NKIRAS1: variants seen among roughly 807,000 people sequenced by gnomAD.
The protein encoded by NKIRAS1 is NFKB inhibitor interacting Ras like 1.
In NKIRAS1, 16 loss-of-function variants were observed where a neutral mutation model predicts 19.8. The observed-to-expected ratio is 0.81, with a 90% CI of 0.55 to 1.23. The LOEUF is 1.23. Ranked by LOEUF, NKIRAS1 falls within the 50% of genes most tolerant of loss-of-function variation. NKIRAS1 has a pLI of 0.00. For missense variants in NKIRAS1, 184 were observed against 220.0 expected (o/e 0.84, Z 1.04); for synonymous variants, 88 against 79.0 (o/e 1.11, Z -0.61).
At chr3:23,899,088 G>T (rs563043527) in intron 4 of NKIRAS1, among the ~76,000 whole-genome samples, 1 of 152,126 alleles carries the variant, frequency 6.6e-6, no homozygotes, top group Non-Finnish European at 1.5e-5. Context: ...AAAGACTGGG[G>T]ACCACTGATT....
chr3:23,918,296 A>G (rs2125252595), upstream of NKIRAS1: 1 of 1,037,410 alleles, frequency 9.6e-7, no homozygotes, highest in East Asian at 2.6e-5. Context: ...ATTGAAAAAG[A>G]CTGGGATGTG....
At chr3:23,904,192 C>A (rs575853203) in intron 3 of NKIRAS1, among the ~76,000 whole-genome samples, 4 of 152,286 alleles carry the variant, frequency 2.6e-5, no homozygotes, top group Admixed American at 2.0e-4. Flanking sequence ...TGACGCATCA[C>A]TGAAATTTCA....
At chr3:23,904,220 T>C (rs970091474) in intron 3 of NKIRAS1, among the ~76,000 whole-genome samples, 107 of 152,228 alleles carry the variant, frequency 7.0e-4, no homozygotes, top group Non-Finnish European at 1.2e-3. Flanking sequence ...GGTGTCTTAG[T>C]CCATTTGTGC....
At position 23,927,027 on chromosome 3, in the gene NKIRAS1, C is replaced by T. The variant is rs1267357865; in HGVS notation, c.-139-15577G>A. Among the ~76,000 whole-genome samples, 1 of 152,118 alleles carries T rather than the reference C, an allele frequency of 6.6e-6. No homozygotes were observed. The highest frequency in any genetic ancestry group is 1.5e-5 in the Non-Finnish European group (1 of 68,020). On this transcript the variant is annotated intron_variant, in intron 1 of 4. Transcript: ENST00000421515. This position sits in a 1 kb window ranked among gnomAD's most constrained non-coding sequence, Gnocchi z 4.0. ...TAACCAAGCAACACTCTCCACAGCC[C>T]CAACATCATTCCAGTTCAGCCTTGG...
intron 3 of NKIRAS1, among the ~76,000 whole-genome samples, chr3:23,903,024 C>T (rs1702670226): frequency 6.6e-6 from 1 of 152,222 alleles, no homozygotes; most frequent in South Asian, 2.1e-4. Flanking sequence ...TCTAGGTTTC[C>T]CCAATAAATG....
intron 3 of NKIRAS1, among the ~76,000 whole-genome samples, chr3:23,903,009 T>C (rs1304209525): frequency 2.0e-5 from 3 of 152,238 alleles, no homozygotes; most frequent in African/African-American, 7.2e-5. Context: ...CTAAATATAC[T>C]GACATCTAGG....
Position 23,945,050 on chromosome 3 carries a change from G to A in NKIRAS1, c.-140+1273C>T, listed in dbSNP as rs1350556632. On this transcript the variant is annotated intron_variant, in intron 1 of 4. Transcript: ENST00000421515. ...AGGAGGAGGGGAGGAATATGCGGCG[G>A]AGGGAAACGGAGAAGAGGTTTACGG... Among the ~76,000 whole-genome samples, 3 of 152,122 alleles carry A rather than the reference G, an allele frequency of 2.0e-5. No homozygotes were observed. The South Asian group carries it at 6.2e-4, about 32-fold the overall frequency.
At chr3:23,946,334 C>G in exon 1 of NKIRAS1, 1 of 978,894 alleles carries the variant, frequency 1.0e-6, no homozygotes, top group South Asian at 4.7e-5. Context: ...TTGCAGATTC[C>G]GAGGAGGAAG....
intron 3 of NKIRAS1, among the ~76,000 whole-genome samples, chr3:23,906,193 A>G (rs1703044794): frequency 6.6e-6 from 1 of 151,768 alleles, no homozygotes; most frequent in Admixed American, 6.6e-5. Context: ...AGGGAGAAAC[A>G]AAGGGGAAGT....
intron 1 of NKIRAS1, among the ~76,000 whole-genome samples, chr3:23,932,313 A>G (rs960457908): frequency 3.3e-5 from 5 of 152,290 alleles, no homozygotes; most frequent in African/African-American, 1.2e-4. Context: ...ATACTAAATG[A>G]TATACAGAGG....
intron 4 of NKIRAS1, among the ~76,000 whole-genome samples, chr3:23,896,693 G>A (rs1215367894): frequency 3.3e-5 from 5 of 151,990 alleles, no homozygotes; most frequent in Non-Finnish European, 7.4e-5. Context: ...GGGGTGGGTG[G>A]ATGGGTGTGG....
chr3:23,937,302 A>G (rs1299104197), intron 1 of NKIRAS1, among the ~76,000 whole-genome samples: 3 of 152,172 alleles, frequency 2.0e-5, no homozygotes, highest in Non-Finnish European at 4.4e-5. Context: ...ACCTGGGAGG[A>G]GGAGAGATGG....
intron 1 of NKIRAS1, among the ~76,000 whole-genome samples, chr3:23,930,188 C>T (rs928455744): frequency 6.6e-6 from 1 of 152,132 alleles, no homozygotes; most frequent in African/African-American, 2.4e-5. Context: ...CTGCTTCATC[C>T]TGGGGGGTAT....
intron 3 of NKIRAS1, among the ~76,000 whole-genome samples, chr3:23,908,652 A>G (rs1222656134): frequency 1.3e-5 from 2 of 152,134 alleles, no homozygotes; most frequent in Non-Finnish European, 2.9e-5. Flanking sequence ...AGAAAAAATA[A>G]GTAGTTTACA....
At chr3:23,919,104 G>T (rs1244824255), upstream of NKIRAS1, 1 of 825,208 alleles carries the variant, frequency 1.2e-6, no homozygotes. Context: ...CTCTTGTCTG[G>T]TGGTGAACTA....
At chr3:23,917,051 G>A (rs1294210144), upstream of NKIRAS1, 1 of 152,614 alleles carries the variant, frequency 6.6e-6, no homozygotes, top group Non-Finnish European at 1.5e-5. Flanking sequence ...GGAACTACAT[G>A]TCCCATGACG....
chr3:23,918,295 G>T, upstream of NKIRAS1: 1 of 1,039,942 alleles, frequency 9.6e-7, no homozygotes. Context: ...CATTGAAAAA[G>T]ACTGGGATGT....
At chr3:23,903,551 A>T (rs1304271528) in intron 3 of NKIRAS1, among the ~76,000 whole-genome samples, 1 of 152,194 alleles carries the variant, frequency 6.6e-6, no homozygotes, top group Non-Finnish European at 1.5e-5. Flanking sequence ...CAAACAAAAA[A>T]CTACCTAATC....
chr3:23,895,912 A>C (rs1701937359), intron 4 of NKIRAS1, among the ~76,000 whole-genome samples: 1 of 152,134 alleles, frequency 6.6e-6, no homozygotes. Flanking sequence ...AGGTGGGTGG[A>C]TCATGAGGTC....
Sources: gnomAD v4.1 joint callset for allele counts (sites outside exome capture counted in the v4.1 genomes callset) on GRCh38, gnomAD v4.1.1 for gene constraint, Gnocchi (gnomAD v3.1) non-coding constraint, MANE v1.5 for transcripts, NCBI Gene and HGNC (gene_info 2026-07-23, HGNC 2026-07-21) for gene names.